ATRNL1: variants seen among roughly 807,000 people sequenced by gnomAD.
ATRNL1 encodes the protein attractin-like protein 1.
Under a neutral mutation model 182.7 loss-of-function variants are expected in ATRNL1, and 95 were observed. The ratio of observed to expected loss-of-function variants is 0.52; its 90% CI spans 0.44 to 0.62. ATRNL1 has a LOEUF of 0.62. Among genes scored for constraint, ATRNL1 ranks in the 20% least tolerant of loss-of-function variants. The pLI, the probability that ATRNL1 is intolerant of heterozygous loss-of-function variation, is 0.00. For synonymous variants in ATRNL1, 576 were observed against 568.3 expected, an observed-to-expected ratio of 1.01 and a Z score of -0.19; for missense variants, 1,471 against 1,679.5, an observed-to-expected ratio of 0.88 and a Z score of 2.17.
intron 22 of ATRNL1, among the ~76,000 whole-genome samples, chr10:115,465,064 C>A (rs1554970519): frequency 2.6e-5 from 4 of 151,644 alleles, no homozygotes; most frequent in Non-Finnish European, 5.9e-5. Context: ...ATTACATCCC[C>A]ATTTTAGAGA....
At position 115,208,266 on chromosome 10, in the gene ATRNL1, T is replaced by A. The variant is rs546526752; in HGVS notation, c.1349-7431T>A. 3.9e-5 allele frequency among the ~76,000 whole-genome samples: 6 copies of A among 152,236 alleles called. No homozygotes were observed. In the South Asian group the frequency reaches 1.2e-3, roughly 32 times the overall value. On this transcript the variant is annotated intron_variant, in intron 8 of 28. Transcript: ENST00000355044. Reference sequence around the variant, plus strand: ...TTTGAGTATATTTCCAATCATTTTTTAAAACATTCTGTTCTACCACTTCTA... The same window carrying A: ...TTTGAGTATATTTCCAATCATTTTTAAAAACATTCTGTTCTACCACTTCTA...
chr10:115,750,167 G>A lies in ATRNL1; in HGVS notation c.3903+22812G>A, dbSNP rs146650289. Reference sequence around the variant, plus strand: ...TTCAAATCCTCATGGGCAAGGACACGTGAACACATAATAAAATACTTTAAT... The same window carrying A: ...TTCAAATCCTCATGGGCAAGGACACATGAACACATAATAAAATACTTTAAT... On this transcript the variant is annotated intron_variant, in intron 27 of 28. Coordinates refer to ENST00000355044, the MANE Select transcript of ATRNL1 (RefSeq NM_207303.4). Among the ~76,000 whole-genome samples, 6 of 151,986 alleles carry A rather than the reference G, an allele frequency of 3.9e-5. No homozygotes were observed. The South Asian group carries it at 1.0e-3, about 26-fold the overall frequency.
intron 8 of ATRNL1, among the ~76,000 whole-genome samples, chr10:115,204,955 G>T (rs1848740029): frequency 6.6e-6 from 1 of 151,988 alleles, no homozygotes; most frequent in African/African-American, 2.4e-5. Flanking sequence ...CTTGATTAGT[G>T]TTTCAATCTT....
chr10:115,635,046 A>G (rs1555027569), intron 26 of ATRNL1, among the ~76,000 whole-genome samples: 1 of 152,180 alleles, frequency 6.6e-6, no homozygotes, highest in Admixed American at 6.5e-5. Flanking sequence ...TGAAAACAAA[A>G]TATTTATTAA....
intron 19 of ATRNL1, 48 bp downstream of exon 19, chr10:115,334,467 A>G: frequency 7.1e-7 from 1 of 1,412,494 alleles, no homozygotes; most frequent in East Asian, 2.4e-5. Context: ...TAAGGAAAAG[A>G]TAATTAAGAA....
At chr10:115,417,414 G>T (rs2134361809) in intron 20 of ATRNL1, among the ~76,000 whole-genome samples, 1 of 152,232 alleles carries the variant, frequency 6.6e-6, no homozygotes, top group South Asian at 2.1e-4. Flanking sequence ...TGATAGGCTT[G>T]CCAAACTTAT....
intron 8 of ATRNL1, among the ~76,000 whole-genome samples, chr10:115,201,270 A>G (rs1398829100): frequency 2.6e-5 from 4 of 151,922 alleles, no homozygotes; most frequent in Admixed American, 2.0e-4. Context: ...TTTTGTTGCC[A>G]TTGCTTTTGG....
intron 13 of ATRNL1, among the ~76,000 whole-genome samples, chr10:115,275,193 T>C (rs1841648474): frequency 6.6e-6 from 1 of 152,158 alleles, no homozygotes; most frequent in African/African-American, 2.4e-5. Context: ...TGAGTATGTC[T>C]ATTCCAATTA....
At chr10:115,911,408 CCTGTGTTCAAGCGATTCT>C (rs1952674495) in intron 28 of ATRNL1, among the ~76,000 whole-genome samples, 1 of 152,310 alleles carries the variant, frequency 6.6e-6, no homozygotes, top group Non-Finnish European at 1.5e-5. Flanking sequence ...ACCTCCACCT[CCTGTGTTCAAGCGATTCT>C]CCTGCCTCAG....
Position 115,127,710 on chromosome 10 carries a change from C to A in ATRNL1, c.609C>A (p.Asn203Lys). The change falls in exon 4 of 29, where the codon AAC becomes AAA. Residue 203 changes from asparagine (N) to lysine (K), a missense_variant. Asn to Lys is a moderately conservative substitution (Grantham distance 94, BLOSUM62 0). Transcript: ENST00000355044. ...SDAAYNLTGFNIFYSINSCPN... is the reference protein window; with the variant it reads ...SDAAYNLTGFKIFYSINSCPN... ...CTGCGTATAATCTAACTGGTTTCAA[C>A]ATTTTCTATTCGTAAGTATTTTTTA... 6.9e-7 allele frequency: 1 copy of A among 1,447,578 alleles called. No homozygotes were observed. Among genetic ancestry groups the A allele is most frequent in the Non-Finnish European group, 9.1e-7 (1 of 1,094,690 alleles). 89.7% of individuals were successfully genotyped at this position (1,447,578 alleles called of 1,614,324 possible).
chr10:115,900,614 T>A (rs1555113391), intron 28 of ATRNL1, among the ~76,000 whole-genome samples: 2 of 151,802 alleles, frequency 1.3e-5, no homozygotes, highest in East Asian at 3.8e-4. Context: ...AGTAGTATTG[T>A]CATCCCCATT....
intron 26 of ATRNL1, among the ~76,000 whole-genome samples, chr10:115,704,297 C>T (rs1946831032): frequency 6.6e-6 from 1 of 151,822 alleles, no homozygotes; most frequent in African/African-American, 2.4e-5. Flanking sequence ...ATATGGCATT[C>T]TCCCTATGTC....
At chr10:115,915,702 G>A (rs1257892842) in intron 28 of ATRNL1, among the ~76,000 whole-genome samples, 1 of 152,172 alleles carries the variant, frequency 6.6e-6, no homozygotes, top group Non-Finnish European at 1.5e-5. Flanking sequence ...TGAAATCCCA[G>A]ACTCCAAAGT....
chr10:115,591,209 A>G (rs1391225154), intron 26 of ATRNL1, among the ~76,000 whole-genome samples: 1 of 152,242 alleles, frequency 6.6e-6, no homozygotes, highest in Non-Finnish European at 1.5e-5. Flanking sequence ...GTTTGGAGAT[A>G]GACTCTTTAC....
At chr10:115,218,477 C>A (rs1348525177) in intron 9 of ATRNL1, among the ~76,000 whole-genome samples, 7 of 152,202 alleles carry the variant, frequency 4.6e-5, no homozygotes, top group African/African-American at 1.7e-4. Flanking sequence ...AGTCGATTCA[C>A]CTGGCTTACT....
intron 19 of ATRNL1, among the ~76,000 whole-genome samples, chr10:115,367,967 C>G (rs1469342783): frequency 2.7e-4 from 41 of 151,908 alleles, no homozygotes; most frequent in African/African-American, 4.6e-4. Context: ...TTACTGCTGT[C>G]TTTTTGTTTG....
intron 10 of ATRNL1, among the ~76,000 whole-genome samples, chr10:115,262,317 G>A (rs1554909034): frequency 6.6e-6 from 1 of 151,562 alleles, no homozygotes; most frequent in African/African-American, 2.4e-5. Flanking sequence ...AAGGATAAAT[G>A]TTCAAAAATT....
At chr10:115,254,995 A>T (rs1851055227) in intron 10 of ATRNL1, among the ~76,000 whole-genome samples, 2 of 151,982 alleles carry the variant, frequency 1.3e-5, no homozygotes, top group Admixed American at 6.6e-5. Context: ...ATTGGTCTAT[A>T]TCTCTGTTTT....
At chr10:115,931,760 T>G (rs991900324) in intron 28 of ATRNL1, among the ~76,000 whole-genome samples, 1 of 152,186 alleles carries the variant, frequency 6.6e-6, no homozygotes, top group Admixed American at 6.5e-5. Flanking sequence ...AGTTTCTATC[T>G]CCATCCATCC....
Sources: gnomAD v4.1 joint callset for allele counts (sites outside exome capture counted in the v4.1 genomes callset) on GRCh38, gnomAD v4.1.1 for gene constraint, MANE v1.5 for transcripts, NCBI Gene and HGNC (gene_info 2026-07-23, HGNC 2026-07-21) for gene names.